The following PADI2 variants were observed in gnomAD, a reference collection of about 807,000 sequenced individuals.
The protein encoded by PADI2 is protein-arginine deiminase type-2.
PADI2 carries 70 observed loss-of-function variants against 81.1 expected under a neutral mutation model. The observed-to-expected ratio is 0.86, with a 90% CI of 0.71 to 1.05. The LOEUF is 1.05. PADI2 is among the 50% of genes least tolerant of loss of function. PADI2 has a pLI of 0.00. For missense variants in PADI2, 853 were observed against 889.9 expected (o/e 0.96, Z 0.53); for synonymous variants, 338 against 358.0 (o/e 0.94, Z 0.63).
intron 5 of PADI2, 122 bp from the exon 6 acceptor site, chr1:17,092,655 A>G: frequency 1.1e-6 from 1 of 886,206 alleles, no homozygotes; most frequent in Non-Finnish European, 1.6e-6. Flanking sequence ...AAACTATAGA[A>G]AAGCATAAAG....
intron 8 of PADI2, among the ~76,000 whole-genome samples, chr1:17,084,357 G>C (rs2078369654): frequency 6.6e-6 from 1 of 152,262 alleles, no homozygotes; most frequent in African/African-American, 2.4e-5. Flanking sequence ...CAAGAGAACA[G>C]AATGGCAGCT....
chr1:17,080,634 C>G (rs932348071), intron 10 of PADI2, among the ~76,000 whole-genome samples: 9 of 152,242 alleles, frequency 5.9e-5, no homozygotes, highest in African/African-American at 2.2e-4. Context: ...CCAGTCTCAA[C>G]CTGCCAGACT....
chr1:17,104,425 C>CCTTTTCTTTT (rs1351270548), intron 2 of PADI2, among the ~76,000 whole-genome samples: 1 of 109,940 alleles, frequency 9.1e-6, no homozygotes, highest in South Asian at 3.5e-4. Flanking sequence ...TTTCTTTTTG[C>CCTTTTCTTTT]CTTTTCTTTT....
chr1:17,114,913 G>A (rs1931706475), intron 1 of PADI2, among the ~76,000 whole-genome samples: 1 of 152,176 alleles, frequency 6.6e-6, no homozygotes, highest in Non-Finnish European at 1.5e-5. Flanking sequence ...AGTGTGTGCT[G>A]AGGAATTGCT....
At position 17,071,429 on chromosome 1, in the gene PADI2, C is replaced by T; in HGVS notation, c.1612G>A (p.Val538Met). The change falls in exon 14 of 16, where the codon GTG (valine) becomes ATG (methionine). Residue 538 changes from valine to methionine, a missense_variant. Transcript: ENST00000375486. ...INKILSNESL[V>M]QENLYFQRCL... ...ACCTGGAAGTACAGGTTCTCCTGCA[C>T]AAGGCTCTCGTTGGACAGAATCTTG... 1 of 1,614,060 alleles carries T rather than the reference C, an allele frequency of 6.2e-7. No homozygotes were observed. The highest frequency in any genetic ancestry group is 8.5e-7 in the Non-Finnish European group (1 of 1,179,882).
chr1:17,074,380 G>A (rs149452324), intron 13 of PADI2, among the ~76,000 whole-genome samples: 142 of 122,158 alleles, frequency 1.2e-3, no homozygotes, highest in African/African-American at 4.3e-3. Context: ...CAATAAGAGC[G>A]AAACTCTGTC....
chr1:17,069,175 C>A lies in PADI2; in HGVS notation c.1867G>T (p.Glu623Ter). ...CLEMHVRGLL[E>*]PLGLECTFID... The stretch of plus-strand genomic sequence containing the variant: ...AAGGTGCATTCGAGGCCCAGGGGCT[C>A]CAGGAGGCCACGCACGTGCATCTCC... Residue 623 changes from glutamate (E) to a stop codon, truncating the protein, a stop_gained, in exon 16 of 16, where the codon GAG becomes TAG. Transcript: ENST00000375486. LOFTEE classifies it high-confidence loss of function. 2 of 1,614,200 alleles carry A rather than the reference C, an allele frequency of 1.2e-6. No homozygotes were observed. Among genetic ancestry groups the A allele is most frequent in the Non-Finnish European group, 1.7e-6 (2 of 1,180,030 alleles).
intron 7 of PADI2, among the ~76,000 whole-genome samples, chr1:17,085,783 C>A (rs1056018220): frequency 1.2e-4 from 19 of 152,322 alleles, no homozygotes; most frequent in East Asian, 5.8e-4. Flanking sequence ...CCCATTGTAT[C>A]CTTTCCCAAA....
intron 3 of PADI2, 49 bp downstream of exon 3, chr1:17,102,938 C>T: frequency 7.1e-7 from 1 of 1,402,372 alleles, no homozygotes; most frequent in Non-Finnish European, 1.0e-6. Flanking sequence ...GACAACAGTG[C>T]CAGGCCCTGG....
In PADI2 at chr1:17,116,877, G is replaced by A. The variant is rs561547110; in HGVS notation, c.92+2403C>T. Among the ~76,000 whole-genome samples, 6 of 152,268 alleles carry A rather than the reference G, an allele frequency of 3.9e-5. No individual in the cohort carries two copies. In the South Asian group the frequency reaches 1.0e-3, roughly 26 times the overall value. ...TTGCTCTCATTACTACAGGTAACTC[G>A]AGTCACAATAGCAGTAACAACTCAA... is the stretch of plus-strand genomic sequence containing the variant. On this transcript the variant is annotated intron_variant, in intron 1 of 15. Coordinates refer to ENST00000375486, the MANE Select transcript of PADI2 (RefSeq NM_007365.3).
At chr1:17,103,701 C>T (rs1377101306) in intron 2 of PADI2, among the ~76,000 whole-genome samples, 20 of 151,670 alleles carry the variant, frequency 1.3e-4, no homozygotes, top group Admixed American at 8.5e-4. Context: ...ACTGGAAATG[C>T]GGCTATTCTG....
At chr1:17,094,037 G>C (rs1930811772) in intron 4 of PADI2, among the ~76,000 whole-genome samples, 1 of 152,128 alleles carries the variant, frequency 6.6e-6, no homozygotes, top group East Asian at 1.9e-4. Flanking sequence ...GGGAGCTCAG[G>C]AGGAGACGCC....
chr1:17,104,426 C>CTTT (rs1233283967), intron 2 of PADI2, among the ~76,000 whole-genome samples: 1 of 98,294 alleles, frequency 1.0e-5, no homozygotes, highest in Non-Finnish European at 2.0e-5. Context: ...TTCTTTTTGC[C>CTTT]TTTTCTTTTT....
chr1:17,079,588 G>A (rs1411349663), intron 10 of PADI2, among the ~76,000 whole-genome samples, 173 bp from the exon 11 acceptor site: 1 of 151,994 alleles, frequency 6.6e-6, no homozygotes, highest in Non-Finnish European at 1.5e-5. Context: ...GCATGGGGAG[G>A]CTGAGTGTGT....
At chr1:17,116,103 T>G (rs1569604407) in intron 1 of PADI2, among the ~76,000 whole-genome samples, 1 of 152,232 alleles carries the variant, frequency 6.6e-6, no homozygotes, top group East Asian at 1.9e-4. Flanking sequence ...CTTCCTCCTG[T>G]TCTCTGATCG....
At chr1:17,077,051 A>G (rs926113686) in intron 11 of PADI2, among the ~76,000 whole-genome samples, 3 of 151,788 alleles carry the variant, frequency 2.0e-5, no homozygotes, top group Non-Finnish European at 2.9e-5. Context: ...CACCTGCTAC[A>G]CTTGCTATCC....
intron 10 of PADI2, among the ~76,000 whole-genome samples, chr1:17,080,263 C>A (rs1240011442): frequency 6.6e-6 from 1 of 152,194 alleles, no homozygotes; most frequent in East Asian, 1.9e-4. Flanking sequence ...ACTTCCCTGC[C>A]CAGTGTCAGA....
chr1:17,101,207 C>T (rs953847821), intron 3 of PADI2, among the ~76,000 whole-genome samples: 1 of 152,158 alleles, frequency 6.6e-6, no homozygotes, highest in Non-Finnish European at 1.5e-5. Flanking sequence ...GAGCGGGCTT[C>T]CTCTAAGCAC....
At position 17,070,265 on chromosome 1, in the gene PADI2, C is replaced by T. The variant is rs146169769; in HGVS notation, c.1636-49G>A. On this transcript the variant is annotated intron_variant, in intron 14 of 15. Coordinates refer to ENST00000375486, the MANE Select transcript of PADI2 (RefSeq NM_007365.3). Reference sequence around the variant, plus strand: ...GCATGCAGGTGAGGGGGACACACACCGGCCACCTTGTCAACCCCATCCCTG... The same window carrying T: ...GCATGCAGGTGAGGGGGACACACACTGGCCACCTTGTCAACCCCATCCCTG... The T allele has an allele frequency of 7.6e-4, 1,216 of 1,602,964 alleles. 11 individuals carry two copies. In the African/African-American group the frequency reaches 0.014, roughly 18 times the overall value.
Sources: gnomAD v4.1 joint callset for allele counts (sites outside exome capture counted in the v4.1 genomes callset) on GRCh38, gnomAD v4.1.1 for gene constraint, MANE v1.5 for transcripts, NCBI Gene and HGNC (gene_info 2026-07-23, HGNC 2026-07-21) for gene names.